Variants in SLC26A7 observed in about 807,000 individuals in gnomAD.
SLC26A7 encodes anion exchange transporter.
SLC26A7 carries 59 observed loss-of-function variants against 82.5 expected under a neutral mutation model. That is an observed-to-expected ratio of 0.72 (90% CI 0.58 to 0.89). The LOEUF (loss-of-function observed/expected upper bound fraction) is 0.89, where lower values mean the gene tolerates loss of function less well. SLC26A7 is among the 40% of genes least tolerant of loss of function. The pLI is 0.00. For synonymous variants in SLC26A7, 271 were observed against 274.3 expected (o/e 0.99, Z 0.12); for missense variants, 820 against 793.0 (o/e 1.03, Z -0.41).
chr8:91,265,338 C>T (rs1811082122), intron 2 of SLC26A7, among the ~76,000 whole-genome samples: 1 of 152,030 alleles, frequency 6.6e-6, no homozygotes, highest in Admixed American at 6.6e-5. Context: ...GATAGTGCTA[C>T]AATAAACATG....
intron 2 of SLC26A7, among the ~76,000 whole-genome samples, chr8:91,275,115 G>T (rs1378656206): frequency 6.6e-6 from 1 of 151,878 alleles, no homozygotes; most frequent in African/African-American, 2.4e-5. Context: ...AACAGAAAAA[G>T]AAAACAAACA....
chr8:91,393,816 G>T lies in SLC26A7; in HGVS notation c.1796G>T (p.Gly599Val), dbSNP rs1366049850. ...MLVEVYMDCK[G>V]RSVDVLLAHC... Reference sequence around the variant, plus strand: ...TTCCAGGTTTACATGGACTGTAAAGGCAGGAGTGTGGATGTATTGTTAGCC... The same window carrying T: ...TTCCAGGTTTACATGGACTGTAAAGTCAGGAGTGTGGATGTATTGTTAGCC... Residue 599 changes from glycine (G) to valine (V), a missense_variant, in exon 17 of 19, where the codon GGC becomes GTC. Coordinates refer to ENST00000276609, the MANE Select transcript of SLC26A7 (RefSeq NM_052832.4). The T allele has an allele frequency of 6.2e-7, 1 of 1,613,650 alleles. No individual in the cohort carries two copies. The highest frequency in any genetic ancestry group is 8.5e-7 in the Non-Finnish European group (1 of 1,179,608).
intron 15 of SLC26A7, among the ~76,000 whole-genome samples, chr8:91,379,499 G>C (rs1336393089): frequency 6.6e-6 from 1 of 151,954 alleles, no homozygotes; most frequent in Admixed American, 6.6e-5. Flanking sequence ...AGTTCAGAGG[G>C]GGAAAACCCT....
chr8:91,290,778 T>C (rs749251518), intron 3 of SLC26A7, among the ~76,000 whole-genome samples: 1 of 152,198 alleles, frequency 6.6e-6, no homozygotes, highest in Non-Finnish European at 1.5e-5. Flanking sequence ...GCCTACTACA[T>C]TGATACACAT....
intron 2 of SLC26A7, among the ~76,000 whole-genome samples, chr8:91,257,687 A>G (rs186928846): frequency 3.3e-5 from 5 of 151,772 alleles, no homozygotes; most frequent in Admixed American, 1.3e-4. Flanking sequence ...CCTTCTATAC[A>G]GTTTGTTTTT....
intron 1 of SLC26A7, among the ~76,000 whole-genome samples, chr8:91,214,682 C>G (rs1810006203): frequency 6.6e-6 from 1 of 152,122 alleles, no homozygotes; most frequent in Admixed American, 6.6e-5. Flanking sequence ...TGCATTGATT[C>G]CATAAGCAGG....
chr8:91,328,913 T>C (rs1813004272), intron 5 of SLC26A7, among the ~76,000 whole-genome samples: 1 of 152,158 alleles, frequency 6.6e-6, no homozygotes, highest in African/African-American at 2.4e-5. Flanking sequence ...TATATCATTA[T>C]AATAAATGGT....
At chr8:91,360,904 T>C (rs1034733248) in intron 11 of SLC26A7, among the ~76,000 whole-genome samples, 10 of 152,202 alleles carry the variant, frequency 6.6e-5, no homozygotes, top group African/African-American at 1.9e-4. Flanking sequence ...TATGATTAAG[T>C]ACAGCATAAT....
At chr8:91,312,536 T>G (rs1180546580) in intron 4 of SLC26A7, among the ~76,000 whole-genome samples, 2 of 152,178 alleles carry the variant, frequency 1.3e-5, no homozygotes, top group Admixed American at 1.3e-4. Context: ...ACACTGCTTT[T>G]TGTAGTGGCT....
Position 91,397,298 on chromosome 8 carries a change from A to C in SLC26A7, c.*2201A>C, listed in dbSNP as rs1372167884. ...ATGGAGTTCTGAGAGCTTAAGAGCT[A>C]AACATGAGTTTAGACACACAAGATT... On this transcript the variant is annotated 3_prime_UTR_variant, in exon 19 of 19. Coordinates refer to ENST00000276609, the MANE Select transcript of SLC26A7 (RefSeq NM_052832.4). The C allele has an allele frequency of 1.3e-5, 2 of 152,262 alleles. No homozygotes were observed. Among genetic ancestry groups the C allele is most frequent in the Non-Finnish European group, 2.9e-5 (2 of 67,976 alleles). 9.4% of individuals were successfully genotyped at this position (152,262 alleles called of 1,614,324 possible).
intron 2 of SLC26A7, among the ~76,000 whole-genome samples, chr8:91,268,376 A>G (rs538984228): frequency 2.3e-4 from 35 of 151,954 alleles, no homozygotes; most frequent in African/African-American, 7.5e-4. Context: ...CCCGTTTATC[A>G]TTGTATAATG....
intron 4 of SLC26A7, among the ~76,000 whole-genome samples, chr8:91,312,888 A>G (rs1048087534): frequency 5.3e-5 from 8 of 152,134 alleles, no homozygotes; most frequent in Non-Finnish European, 1.0e-4. Flanking sequence ...TATTCTGGAT[A>G]TTAACACTTA....
At chr8:91,337,407 A>C (rs1813273034) in intron 6 of SLC26A7, among the ~76,000 whole-genome samples, 1 of 152,188 alleles carries the variant, frequency 6.6e-6, no homozygotes, top group African/African-American at 2.4e-5. Flanking sequence ...TGAAATTTTT[A>C]ATATCTATTA....
At chr8:91,391,779 A>C (rs1327066632) in intron 16 of SLC26A7, among the ~76,000 whole-genome samples, 1 of 151,608 alleles carries the variant, frequency 6.6e-6, no homozygotes, top group Non-Finnish European at 1.5e-5. Flanking sequence ...GGGCTCAAGG[A>C]TCCTATTTTG....
In SLC26A7 at chr8:91,284,831, G is replaced by T. The variant is rs75182113; in HGVS notation, c.194-4305G>T. 3.0e-3 allele frequency among the ~76,000 whole-genome samples: 454 copies of T among 152,294 alleles called. 4 individuals carry two copies. The highest frequency in any genetic ancestry group is 0.01 in the African/African-American group (429 of 41,568). ...GAGATTTGGGGATTATGAATTAGAA[G>T]TACAAAGGTTGTAATATTATTTAAT... On this transcript the variant is annotated intron_variant, in intron 2 of 18. Coordinates refer to ENST00000276609, the MANE Select transcript of SLC26A7 (RefSeq NM_052832.4).
At position 91,270,706 on chromosome 8, in the gene SLC26A7, T is replaced by G. The variant is rs180919720; in HGVS notation, c.194-18430T>G. On this transcript the variant is annotated intron_variant, in intron 2 of 18. Transcript: ENST00000276609. ...TAAGGGATATCTCTTACAGAGGAAGTTACTAGGAACATTCTGAGAAATTCA... is the reference window on the plus strand; with the variant it reads ...TAAGGGATATCTCTTACAGAGGAAGGTACTAGGAACATTCTGAGAAATTCA... Among the ~76,000 whole-genome samples, 14 of 152,302 alleles carry G rather than the reference T, an allele frequency of 9.2e-5. No homozygotes were observed. The East Asian group carries it at 2.7e-3, about 29-fold the overall frequency.
intron 16 of SLC26A7, 72 bp from the exon 17 acceptor site, chr8:91,393,725 C>T (rs1808469776): frequency 6.6e-7 from 1 of 1,511,848 alleles, no homozygotes; most frequent in Non-Finnish European, 9.1e-7. Context: ...TTGATTTCTT[C>T]TGAAGCCCAT....
chr8:91,238,162 G>A (rs534431501), intron 2 of SLC26A7, among the ~76,000 whole-genome samples: 2 of 152,108 alleles, frequency 1.3e-5, no homozygotes, highest in Non-Finnish European at 2.9e-5. Flanking sequence ...AGTAAAAGGA[G>A]CCTGTAAAGG....
chr8:91,257,761 A>G (rs1477629472), intron 2 of SLC26A7, among the ~76,000 whole-genome samples: 1 of 152,062 alleles, frequency 6.6e-6, no homozygotes, highest in East Asian at 1.9e-4. Flanking sequence ...TTTGTTCCAT[A>G]GATAAACATG....
Sources: allele counts gnomAD v4.1 joint callset (sites outside exome capture counted in the v4.1 genomes callset), GRCh38; gene constraint gnomAD v4.1.1; transcripts MANE v1.5; gene names NCBI Gene and HGNC (gene_info 2026-07-23, HGNC 2026-07-21).